RTN1: variants seen among roughly 807,000 people sequenced by gnomAD.
RTN1 encodes the protein reticulon 1, also known as reticulon-1.
In RTN1, 25 loss-of-function variants were observed where a neutral mutation model predicts 65.5. The ratio of observed to expected loss-of-function variants is 0.38; its 90% confidence interval spans 0.28 to 0.53. The LOEUF (loss-of-function observed/expected upper bound fraction) is 0.53. Ranked by LOEUF, RTN1 falls within the 20% of genes least tolerant of loss-of-function variation. The pLI is 0.79. For synonymous variants in RTN1, 471 were observed against 447.6 expected (o/e 1.05, Z -0.66); for missense variants, 983 against 1,025.4 (o/e 0.96, Z 0.57).
At position 59,727,797 on chromosome 14, in the gene RTN1, C is replaced by G. The variant is rs139717352; in HGVS notation, c.1016-129G>C. The G allele has an allele frequency of 1.6e-6, 2 of 1,262,720 alleles. No individual in the cohort carries two copies. The highest frequency in any genetic ancestry group is 2.1e-6 in the Non-Finnish European group (2 of 945,548). 78.2% of individuals were successfully genotyped at this position (1,262,720 alleles called of 1,614,324 possible). A position where few individuals can be genotyped will look rare whatever the true frequency, so the allele number is the denominator to read the frequency against. On this transcript the variant is annotated intron_variant, in intron 2 of 8. Transcript: ENST00000267484. The surrounding 1 kb of genome is among the most constrained non-coding windows in gnomAD (Gnocchi z 4.2). ...TTGTCGTTGCTTGAGAAACACATAT[C>G]TCATTAGCACAAAAATAATCTGTTT...
At chr14:59,833,499 C>G (rs1480341935) in intron 1 of RTN1, among the ~76,000 whole-genome samples, 2 of 152,066 alleles carry the variant, frequency 1.3e-5, no homozygotes, top group Non-Finnish European at 2.9e-5. Flanking sequence ...ACATGGTTTA[C>G]ACACTAATTT....
chr14:59,630,970 A>C (rs1479330126), intron 3 of RTN1, among the ~76,000 whole-genome samples: 1 of 152,044 alleles, frequency 6.6e-6, no homozygotes, highest in Non-Finnish European at 1.5e-5. Context: ...TTTCTGAGAA[A>C]CCCAAGAAAC....
intron 3 of RTN1, among the ~76,000 whole-genome samples, chr14:59,641,453 T>C (rs1299625312): frequency 6.6e-6 from 1 of 152,160 alleles, no homozygotes; most frequent in Non-Finnish European, 1.5e-5. Flanking sequence ...CACTGCAACC[T>C]CTGCCTCCTG....
chr14:59,771,584 C>T (rs1306962134), intron 1 of RTN1, among the ~76,000 whole-genome samples: 1 of 152,180 alleles, frequency 6.6e-6, no homozygotes, highest in Non-Finnish European at 1.5e-5. Flanking sequence ...ACATTAGCAA[C>T]AGAAAACTGT....
intron 1 of RTN1, among the ~76,000 whole-genome samples, chr14:59,834,332 A>G (rs1356508481): frequency 1.3e-5 from 2 of 152,180 alleles, no homozygotes. Context: ...CACCAAAAGC[A>G]CATTCCATAA....
At chr14:59,820,986 T>C (rs938969021) in intron 1 of RTN1, among the ~76,000 whole-genome samples, 1 of 152,240 alleles carries the variant, frequency 6.6e-6, no homozygotes, top group African/African-American at 2.4e-5. Context: ...ATGCTTTGGC[T>C]ATTTGGGCTC....
intron 3 of RTN1, among the ~76,000 whole-genome samples, chr14:59,657,192 T>C (rs564350441): frequency 6.6e-6 from 1 of 152,296 alleles, no homozygotes; most frequent in African/African-American, 2.4e-5. Flanking sequence ...GTGAATCACC[T>C]GAGGTCAGGA....
rs540316353 is a variant in RTN1, at chr14:59,847,198, ATT to A, written c.241+23190_241+23191del. ...ATCGTATTTCTTCACATAAAATATC[ATT>A]GTTTCTTTATCTCCTTCATTAGACT... On this transcript the variant is annotated intron_variant, in intron 1 of 8. Transcript: ENST00000267484. Among the ~76,000 whole-genome samples the A allele has an allele frequency of 1.4e-4, 22 of 152,280 alleles. No individual in the cohort carries two copies. The East Asian group carries it at 4.1e-3, about 28-fold the overall frequency.
rs1886267739 is a variant in RTN1 at position 59,787,332 on chromosome 14, C to T, written c.242-40851G>A. Among the ~76,000 whole-genome samples, 3 of 152,070 alleles carry T rather than the reference C, an allele frequency of 2.0e-5. No individual in the cohort carries two copies. The South Asian group carries it at 6.2e-4, about 32-fold the overall frequency. ...TTCTTACTAGATGTAGAGTCCTGGGCAAGCAACCACATCTCTATAATCTTC... is the reference window on the plus strand; with the variant it reads ...TTCTTACTAGATGTAGAGTCCTGGGTAAGCAACCACATCTCTATAATCTTC... On this transcript the variant is annotated intron_variant, in intron 1 of 8. Coordinates refer to ENST00000267484, the MANE Select transcript of RTN1 (RefSeq NM_021136.3).
intron 3 of RTN1, among the ~76,000 whole-genome samples, chr14:59,659,170 A>G (rs1883188177): frequency 6.6e-6 from 1 of 152,142 alleles, no homozygotes; most frequent in Non-Finnish European, 1.5e-5. Flanking sequence ...TAAAGTGTGA[A>G]GACAAGATTA....
chr14:59,770,148 T>C (rs2139559743), intron 1 of RTN1, among the ~76,000 whole-genome samples: 1 of 150,870 alleles, frequency 6.6e-6, no homozygotes, highest in African/African-American at 2.4e-5. Context: ...GAGGCCGAGG[T>C]GGGCAGATGA....
chr14:59,780,676 T>C (rs1240130640), intron 1 of RTN1, among the ~76,000 whole-genome samples: 1 of 152,234 alleles, frequency 6.6e-6, no homozygotes, highest in Non-Finnish European at 1.5e-5. Context: ...GCAACTTCAT[T>C]TCTATTTGTT....
At chr14:59,742,710 C>T (rs934802288) in intron 2 of RTN1, among the ~76,000 whole-genome samples, 1 of 152,140 alleles carries the variant, frequency 6.6e-6, no homozygotes, top group Non-Finnish European at 1.5e-5. Context: ...GCTTAACATG[C>T]TTTCTTTTTC....
intron 3 of RTN1, among the ~76,000 whole-genome samples, chr14:59,618,669 T>A (rs897964998): frequency 2.0e-5 from 3 of 152,208 alleles, no homozygotes; most frequent in Non-Finnish European, 4.4e-5. Context: ...AGAATCAGGA[T>A]CAAACCCTAA....
chr14:59,654,124 C>G (rs868193182), intron 3 of RTN1, among the ~76,000 whole-genome samples: 1 of 152,150 alleles, frequency 6.6e-6, no homozygotes, highest in African/African-American at 2.4e-5. Flanking sequence ...ACAAATTCTT[C>G]CACAAAGAAG....
rs116609255 is a variant in RTN1, at chr14:59,689,356, C to T, written c.1765+37563G>A. Among the ~76,000 whole-genome samples, 1,060 of 152,232 alleles carry T rather than the reference C, an allele frequency of 7.0e-3. 11 individuals are homozygous for T. Among genetic ancestry groups the T allele is most frequent in the African/African-American group, 0.024 (1,008 of 41,524 alleles). ...TGAATTAGTGGCATTTCTGCAGAGA[C>T]GGAAAGTCAACAATCTAGAAAACAT... On this transcript the variant is annotated intron_variant, in intron 3 of 8. Coordinates refer to ENST00000267484, the MANE Select transcript of RTN1 (RefSeq NM_021136.3).
intron 1 of RTN1, among the ~76,000 whole-genome samples, chr14:59,860,076 C>T (rs568370932): frequency 8.1e-4 from 124 of 152,306 alleles, no homozygotes; most frequent in Non-Finnish European, 1.5e-3. Context: ...TAACAAGGAG[C>T]CAAATGTGAA....
At chr14:59,730,327 A>G (rs1274889116) in intron 2 of RTN1, among the ~76,000 whole-genome samples, 1 of 152,216 alleles carries the variant, frequency 6.6e-6, no homozygotes, top group Non-Finnish European at 1.5e-5. Flanking sequence ...ACCACAAGAA[A>G]AAGAATGAAA....
At chr14:59,609,684 G>C (rs188508764) in intron 3 of RTN1, among the ~76,000 whole-genome samples, 2 of 152,130 alleles carry the variant, frequency 1.3e-5, no homozygotes, top group Non-Finnish European at 2.9e-5. Flanking sequence ...TTGACGGTCC[G>C]GGGCCTCCAG....
Sources: gnomAD v4.1 joint callset for allele counts (sites outside exome capture counted in the v4.1 genomes callset) on GRCh38, gnomAD v4.1.1 for gene constraint, Gnocchi (gnomAD v3.1) non-coding constraint, MANE v1.5 for transcripts, NCBI Gene and HGNC (gene_info 2026-07-23, HGNC 2026-07-21) for gene names.